PSMG2: variants seen among roughly 807,000 people sequenced by gnomAD.
PSMG2 encodes the protein proteasome assembly chaperone 2.
Under a neutral mutation model 31.5 loss-of-function variants are expected in PSMG2, and 21 were observed. The observed-to-expected ratio is 0.67, with a 90% CI of 0.47 to 0.96. PSMG2 has a LOEUF of 0.96. Ranked by LOEUF, PSMG2 falls within the 40% of genes least tolerant of loss-of-function variation. The pLI is 0.00. For missense variants in PSMG2, 318 were observed against 321.2 expected (o/e 0.99, Z 0.08); for synonymous variants, 120 against 110.4 (o/e 1.09, Z -0.54).
At chr18:12,680,008 A>G (rs935470229) in intron 1 of PSMG2, among the ~76,000 whole-genome samples, 1 of 151,372 alleles carries the variant, frequency 6.6e-6, no homozygotes, top group African/African-American at 2.4e-5. Context: ...GTGGGCTGTG[A>G]CTGTGCCACT....
Position 12,716,585 on chromosome 18 carries a change from G to A in PSMG2, c.289-1932G>A, listed in dbSNP as rs552842547. 2.5e-3 allele frequency among the ~76,000 whole-genome samples: 380 copies of A among 151,874 alleles called. 1 individual carries two copies. Among genetic ancestry groups the A allele is most frequent in the African/African-American group, 8.8e-3 (365 of 41,420 alleles). On this transcript the variant is annotated intron_variant, in intron 3 of 6. Transcript: ENST00000317615. ...ATTTTTTTGTATTTTTAGTAGAGAC[G>A]GGGTTTCACCGTGTTAGCCAGGATG...
chr18:12,698,328 G>C (rs111448774), upstream of PSMG2, among the ~76,000 whole-genome samples: 1 of 151,780 alleles, frequency 6.6e-6, no homozygotes, highest in Non-Finnish European at 1.5e-5. Flanking sequence ...CACCATGCCC[G>C]GCTAGAAATT....
Position 12,725,576 on chromosome 18 carries a change from A to G in PSMG2, c.*45A>G. On this transcript the variant is annotated 3_prime_UTR_variant, in exon 7 of 7. Transcript: ENST00000317615. The stretch of plus-strand genomic sequence containing the variant: ...CTTATACCCAAAACACTTACTACCA[A>G]CACAGCTGTTAAACATTCTATACAA... The G allele has an allele frequency of 1.4e-6, 2 of 1,407,696 alleles. No individual in the cohort carries two copies. Among genetic ancestry groups the G allele is most frequent in the Non-Finnish European group, 2.0e-6 (2 of 1,007,638 alleles). 87.2% of individuals were successfully genotyped at this position (1,407,696 alleles called of 1,614,324 possible).
At chr18:12,697,176 G>C in intron 1 of PSMG2, 4 of 1,236,036 alleles carry the variant, frequency 3.2e-6, no homozygotes, top group Non-Finnish European at 4.6e-6. Context: ...ATTTACAAAT[G>C]AACTGTGGCT....
In PSMG2 at chr18:12,703,113, C is replaced by T; in HGVS notation, c.6C>T (p.Phe2=). The T allele has an allele frequency of 6.2e-7, 1 of 1,612,612 alleles. No individual in the cohort carries two copies. Among genetic ancestry groups the T allele is most frequent in the Non-Finnish European group, 8.5e-7 (1 of 1,179,616 alleles). The change falls in exon 1 of 7, where the codon TTC becomes TTT. Residue 2 remains phenylalanine, a synonymous_variant. Coordinates refer to ENST00000317615, the MANE Select transcript of PSMG2 (RefSeq NM_020232.5). M[F]VPCGESAPDL... ...CTGGCCACCCCACTGCGACCATGTT[C>T]GTTCCCTGCGGGGAGTCGGCCCCCG...
chr18:12,689,280 A>AAGC (rs35205638), intron 1 of PSMG2, among the ~76,000 whole-genome samples: 59,278 of 151,842 alleles, frequency 0.39, 11,944 homozygotes, highest in Non-Finnish European at 0.45. Flanking sequence ...CAAATACAGG[A>AAGC]AGCAGCAAGA....
chr18:12,670,127 C>T lies in PSMG2; in HGVS notation c.-37+11354C>T, dbSNP rs138341950. Among the ~76,000 whole-genome samples the T allele has an allele frequency of 9.3e-3, 1,409 of 152,066 alleles. 30 individuals are homozygous for T. Among genetic ancestry groups the T allele is most frequent in the African/African-American group, 0.033 (1,360 of 41,490 alleles). ...GGTGGATTGCCTGAGCTCAGGAGTT[C>T]GCGACCAGCCTGGGCAACAAGGTGA... On this transcript the variant is annotated intron_variant, in intron 1 of 6. Coordinates refer to the PSMG2 transcript ENST00000585331.
At chr18:12,699,771 C>CTACA (rs2040087425), upstream of PSMG2, 4 of 970,812 alleles carry the variant, frequency 4.1e-6, no homozygotes, top group East Asian at 1.1e-4. Flanking sequence ...ATACGAAAGA[C>CTACA]TACACCACAT....
chr18:12,665,493 G>A (rs1157857625), intron 1 of PSMG2, among the ~76,000 whole-genome samples: 2 of 152,098 alleles, frequency 1.3e-5, no homozygotes, highest in Non-Finnish European at 2.9e-5. Context: ...ATGGAACACT[G>A]TGTCTTTCCC....
In PSMG2 at chr18:12,693,737, T is replaced by C. The variant is rs2039849872; in HGVS notation, c.-36-12813T>C. ...GGCAGACGTTGCAGTGAGCCAAGAT[T>C]GCGCCACTGCACTCCAACCTGGCGA... is the stretch of plus-strand genomic sequence containing the variant. On this transcript the variant is annotated intron_variant, in intron 1 of 6. Coordinates refer to the PSMG2 transcript ENST00000585331. Among the ~76,000 whole-genome samples, 4 of 151,896 alleles carry C rather than the reference T, an allele frequency of 2.6e-5. No individual in the cohort carries two copies. The South Asian group carries it at 8.3e-4, about 32-fold the overall frequency.
chr18:12,661,597 C>T (rs2038695944), intron 1 of PSMG2, among the ~76,000 whole-genome samples: 1 of 151,886 alleles, frequency 6.6e-6, no homozygotes, highest in African/African-American at 2.4e-5. Flanking sequence ...CATGGTGAAA[C>T]CTCGTCTCTA....
chr18:12,697,308 T>C (rs1167004870), intron 1 of PSMG2: 28 of 1,613,882 alleles, frequency 1.7e-5, no homozygotes, highest in Non-Finnish European at 2.4e-5. Context: ...ATGATGCTAC[T>C]AAAGTCGTCT....
Position 12,668,834 on chromosome 18 carries a change from G to A in PSMG2, c.-37+10061G>A, listed in dbSNP as rs140872660. Among the ~76,000 whole-genome samples the A allele has an allele frequency of 5.8e-5, 8 of 137,962 alleles. 1 individual carries two copies. The East Asian group carries it at 1.8e-3, about 32-fold the overall frequency. The allele number at this position is 137,962 out of a possible 152,430, so 90.5% of individuals were successfully genotyped here. A position where few individuals can be genotyped will look rare whatever the true frequency, so the allele number is the denominator to read the frequency against. ...CGGCTCACTGCAGCCTTCGCCTCCC[G>A]GGTTTAAGCGATTCCCCTGCCTCAG... On this transcript the variant is annotated intron_variant, in intron 1 of 6. Coordinates refer to the PSMG2 transcript ENST00000585331.
chr18:12,677,402 T>C (rs1311709954), intron 1 of PSMG2, among the ~76,000 whole-genome samples: 3 of 135,380 alleles, frequency 2.2e-5, no homozygotes, highest in East Asian at 4.3e-4. Context: ...CACGCCACTG[T>C]GCCAAGATCA....
chr18:12,702,354 T>C, upstream of PSMG2: 1 of 687,808 alleles, frequency 1.5e-6, no homozygotes, highest in Non-Finnish European at 2.5e-6. Flanking sequence ...CTCTGCCTAC[T>C]CTGCGTTGCG....
chr18:12,672,241 AG>A (rs1253786968), intron 1 of PSMG2, among the ~76,000 whole-genome samples: 2 of 151,382 alleles, frequency 1.3e-5, no homozygotes, highest in Non-Finnish European at 2.9e-5. Context: ...CAGCCTCCTG[AG>A]TAGCTGGGAT....
At chr18:12,695,256 G>A in intron 1 of PSMG2, 1 of 1,411,818 alleles carries the variant, frequency 7.1e-7, no homozygotes, top group Non-Finnish European at 9.9e-7. Flanking sequence ...GTATTTACCT[G>A]TGTGTTCACT....
At chr18:12,721,053 A>G (rs2040426305) in intron 5 of PSMG2, among the ~76,000 whole-genome samples, 1 of 151,658 alleles carries the variant, frequency 6.6e-6, no homozygotes, top group Non-Finnish European at 1.5e-5. Context: ...GATGGTGGGC[A>G]CCTGTAGTCC....
At chr18:12,668,597 CAAAAAAA>C (rs752216074) in intron 1 of PSMG2, among the ~76,000 whole-genome samples, 223 of 72,732 alleles carry the variant, frequency 3.1e-3, no homozygotes, top group South Asian at 5.3e-3. Flanking sequence ...GATTCCATCT[CAAAAAAA>C]AAAAAAAAAA....
Sources: gnomAD v4.1 joint callset for allele counts (sites outside exome capture counted in the v4.1 genomes callset) on GRCh38, gnomAD v4.1.1 for gene constraint, MANE v1.5 for transcripts, NCBI Gene and HGNC (gene_info 2026-07-23, HGNC 2026-07-21) for gene names.